Variants in SLX4IP observed in about 807,000 individuals in gnomAD.
The protein encoded by SLX4IP is SLX4 interacting protein.
A neutral mutation model predicts 32.9 loss-of-function variants in SLX4IP; 34 were observed. The observed-to-expected ratio is 1.03, with a 90% CI of 0.79 to 1.38. The LOEUF is 1.38. Ranked by LOEUF, SLX4IP falls within the 40% of genes most tolerant of loss-of-function variation. The pLI is 0.00. For missense variants in SLX4IP, 444 were observed against 479.0 expected (o/e 0.93, Z 0.68); for synonymous variants, 172 against 171.7 (o/e 1.00, Z -0.01).
chr20:10,575,451 T>C (rs1180885931), intron 4 of SLX4IP, among the ~76,000 whole-genome samples: 6 of 152,168 alleles, frequency 3.9e-5, no homozygotes, highest in Non-Finnish European at 7.4e-5. Context: ...TACAAGGCTG[T>C]ACTTTCCTTT....
intron 1 of SLX4IP, among the ~76,000 whole-genome samples, chr20:10,453,763 T>A (rs2065263159): frequency 6.6e-6 from 1 of 152,074 alleles, no homozygotes; most frequent in Non-Finnish European, 1.5e-5. Flanking sequence ...TTATCCCCAA[T>A]GCCTAAAATT....
chr20:10,613,471 C>T (rs1054623659), intron 6 of SLX4IP: 2 of 1,601,680 alleles, frequency 1.2e-6, no homozygotes, highest in Non-Finnish European at 1.7e-6. Context: ...GATTTTTTCC[C>T]TCCTCCTTTG....
intron 6 of SLX4IP, among the ~76,000 whole-genome samples, chr20:10,619,255 A>C (rs1385311514): frequency 1.6e-5 from 1 of 63,434 alleles, no homozygotes; most frequent in Non-Finnish European, 3.1e-5. Context: ...CACAGATTTT[A>C]CACTTTTTGA....
chr20:10,467,633 A>G (rs572746034), intron 2 of SLX4IP, among the ~76,000 whole-genome samples: 1 of 152,328 alleles, frequency 6.6e-6, no homozygotes, highest in East Asian at 1.9e-4. Context: ...TTTCCCATTC[A>G]GTATCATTGT....
chr20:10,534,855 T>C (rs533716520), intron 2 of SLX4IP, among the ~76,000 whole-genome samples: 1 of 152,200 alleles, frequency 6.6e-6, no homozygotes, highest in Non-Finnish European at 1.5e-5. Context: ...TAGGTTGTTA[T>C]GAAAATCAAG....
chr20:10,555,926 G>A (rs891928993), intron 2 of SLX4IP, among the ~76,000 whole-genome samples: 1 of 152,146 alleles, frequency 6.6e-6, no homozygotes, highest in Admixed American at 6.5e-5. Flanking sequence ...GATGCTTCAC[G>A]TCTTCCAACT....
chr20:10,565,514 T>C (rs1030381290), intron 4 of SLX4IP, among the ~76,000 whole-genome samples: 1 of 152,226 alleles, frequency 6.6e-6, no homozygotes, highest in Non-Finnish European at 1.5e-5. Context: ...AGCCTTGTGC[T>C]GTTTTTTCCC....
intron 4 of SLX4IP, among the ~76,000 whole-genome samples, chr20:10,578,318 A>G (rs151034839): frequency 2.8e-4 from 42 of 152,326 alleles, no homozygotes; most frequent in African/African-American, 9.1e-4. Context: ...ATTTCATACA[A>G]ATAGAGTCAT....
Position 10,445,778 on chromosome 20 carries a change from C to T in SLX4IP, c.-30+10325C>T, listed in dbSNP as rs2065197619. Among the ~76,000 whole-genome samples, 2 of 151,602 alleles carry T rather than the reference C, an allele frequency of 1.3e-5. 1 individual carries two copies. Among genetic ancestry groups the T allele is most frequent in the South Asian group, 4.2e-4 (2 of 4,808 alleles). On this transcript the variant is annotated intron_variant, in intron 1 of 7. Transcript: ENST00000334534. ...TAGCTGGGACTACAGGCACATGCCA[C>T]TAAGCCCGGCTAATTTTTTGTATTT...
intron 6 of SLX4IP, among the ~76,000 whole-genome samples, chr20:10,617,719 G>A (rs1336387632): frequency 7.0e-6 from 1 of 143,582 alleles, no homozygotes; most frequent in African/African-American, 2.6e-5. Context: ...CACAATCATG[G>A]CTTACTGCGG....
chr20:10,475,825 A>C (rs2065471417), intron 2 of SLX4IP, among the ~76,000 whole-genome samples: 1 of 152,224 alleles, frequency 6.6e-6, no homozygotes, highest in African/African-American at 2.4e-5. Context: ...TGAGCATGAC[A>C]GCTGTCAGAA....
chr20:10,583,548 G>T (rs975286022), intron 4 of SLX4IP, among the ~76,000 whole-genome samples: 1 of 152,124 alleles, frequency 6.6e-6, no homozygotes, highest in East Asian at 1.9e-4. Flanking sequence ...CATCCGGATG[G>T]TGGCATTAAC....
intron 4 of SLX4IP, among the ~76,000 whole-genome samples, chr20:10,590,895 A>C (rs1289299145): frequency 6.6e-6 from 1 of 152,202 alleles, no homozygotes; most frequent in Non-Finnish European, 1.5e-5. Flanking sequence ...GAGATTGCAA[A>C]CTGACAATAT....
chr20:10,535,626 A>G (rs1393096535), intron 2 of SLX4IP, among the ~76,000 whole-genome samples: 1 of 152,104 alleles, frequency 6.6e-6, no homozygotes, highest in African/African-American at 2.4e-5. Flanking sequence ...CGGCCCAAGA[A>G]CATGTAGTTT....
rs1447166849 is a variant in SLX4IP at position 10,586,762 on chromosome 20, G to A, written c.239-11913G>A. Among the ~76,000 whole-genome samples, 3 of 152,058 alleles carry A rather than the reference G, an allele frequency of 2.0e-5. No individual in the cohort carries two copies. In the East Asian group the frequency reaches 5.8e-4, roughly 29 times the overall value. The stretch of plus-strand genomic sequence containing the variant: ...AAATTAGGTGGAAATTAAAATAAAA[G>A]ACTATTAAGAACAACTTCGTGCCAA... On this transcript the variant is annotated intron_variant, in intron 4 of 7. Transcript: ENST00000334534.
At chr20:10,511,682 C>G (rs1031350228) in intron 2 of SLX4IP, among the ~76,000 whole-genome samples, 1 of 152,230 alleles carries the variant, frequency 6.6e-6, no homozygotes, top group Non-Finnish European at 1.5e-5. Flanking sequence ...GCAGATGACA[C>G]TTGGAAAACG....
chr20:10,609,920 A>T (rs920472245), intron 6 of SLX4IP, among the ~76,000 whole-genome samples: 8 of 143,216 alleles, frequency 5.6e-5, no homozygotes, highest in African/African-American at 1.7e-4. Context: ...ATGATTCATG[A>T]ATTCCTTAAA....
At chr20:10,608,816 T>A (rs2066934305) in intron 6 of SLX4IP, among the ~76,000 whole-genome samples, 1 of 152,148 alleles carries the variant, frequency 6.6e-6, no homozygotes, top group Admixed American at 6.5e-5. Flanking sequence ...CTGTACAATC[T>A]TCTCCTTCCT....
intron 2 of SLX4IP, among the ~76,000 whole-genome samples, chr20:10,511,962 T>C (rs892822354): frequency 6.6e-6 from 1 of 152,256 alleles, no homozygotes; most frequent in Non-Finnish European, 1.5e-5. Context: ...TATTTTTTTC[T>C]TGTCAGATAA....
Sources: allele counts gnomAD v4.1 joint callset (sites outside exome capture counted in the v4.1 genomes callset), GRCh38; gene constraint gnomAD v4.1.1; transcripts MANE v1.5; gene names NCBI Gene and HGNC (gene_info 2026-07-23, HGNC 2026-07-21).